Variants in SECISBP2 observed in about 807,000 individuals in gnomAD.
SECISBP2 encodes selenocysteine insertion sequence-binding protein 2.
In SECISBP2, 96 loss-of-function variants were observed where a neutral mutation model predicts 98.2. The ratio of observed to expected loss-of-function variants is 0.98; its 90% CI spans 0.83 to 1.16. The LOEUF (loss-of-function observed/expected upper bound fraction) is 1.16, where lower values mean the gene tolerates loss of function less well. Ranked by LOEUF, SECISBP2 falls within the 50% of genes most tolerant of loss-of-function variation. The pLI is 0.00. For synonymous variants in SECISBP2, 407 were observed against 370.2 expected (o/e 1.10, Z -1.14); for missense variants, 1,046 against 1,022.9 (o/e 1.02, Z -0.31).
intron 5 of SECISBP2, among the ~76,000 whole-genome samples, chr9:89,332,362 T>G (rs573958576): frequency 3.3e-5 from 5 of 152,312 alleles, no homozygotes; most frequent in African/African-American, 9.6e-5. Flanking sequence ...GGTTCACTGT[T>G]GGTGTTGTGT....
chr9:89,353,437 A>G (rs1831590282), intron 14 of SECISBP2, among the ~76,000 whole-genome samples: 1 of 152,106 alleles, frequency 6.6e-6, no homozygotes, highest in Admixed American at 6.5e-5. Context: ...GTGGTGCGTC[A>G]TGTCCTGCAA....
intron 15 of SECISBP2, 96 bp downstream of exon 15, chr9:89,357,661 A>G (rs1421557276): frequency 6.8e-7 from 1 of 1,467,574 alleles, no homozygotes; most frequent in East Asian, 2.3e-5. Context: ...CAGCCCCAGA[A>G]CCTCCAGTAG....
At chr9:89,344,326 T>C (rs1830124916) in intron 10 of SECISBP2, among the ~76,000 whole-genome samples, 1 of 152,264 alleles carries the variant, frequency 6.6e-6, no homozygotes, top group Admixed American at 6.5e-5. Flanking sequence ...TTAGATCCCA[T>C]TTGTCAATTT....
intron 8 of SECISBP2, 68 bp from the exon 9 acceptor site, chr9:89,339,796 C>T (rs1304586196): frequency 3.2e-5 from 35 of 1,089,502 alleles, no homozygotes; most frequent in Non-Finnish European, 4.5e-5. Flanking sequence ...AAAATATAAG[C>T]AAGGAAAAGG....
At chr9:89,333,414 T>C (rs574471093) in intron 6 of SECISBP2, among the ~76,000 whole-genome samples, 22 of 152,376 alleles carry the variant, frequency 1.4e-4, no homozygotes, top group African/African-American at 5.3e-4. Flanking sequence ...TATTGCATTT[T>C]AAGATAGCAT....
intron 12 of SECISBP2, among the ~76,000 whole-genome samples, chr9:89,348,594 C>T (rs1417030582): frequency 6.6e-6 from 1 of 152,222 alleles, no homozygotes; most frequent in Non-Finnish European, 1.5e-5. Flanking sequence ...TTTAAGGAAA[C>T]TTCATATTCA....
downstream of SECISBP2, chr9:89,363,834 C>A: frequency 6.2e-7 from 1 of 1,614,182 alleles, no homozygotes; most frequent in Non-Finnish European, 8.5e-7. Context: ...CTGATGGCGT[C>A]CTGCAGCCAG....
At chr9:89,360,295 C>G (rs1832665260), downstream of SECISBP2, among the ~76,000 whole-genome samples, 1 of 152,146 alleles carries the variant, frequency 6.6e-6, no homozygotes, top group South Asian at 2.1e-4. Flanking sequence ...GCTTCCTCCT[C>G]CCCTCATCAG....
intron 6 of SECISBP2, chr9:89,334,269 C>T (rs1828255147): frequency 2.7e-6 from 3 of 1,094,390 alleles, no homozygotes; most frequent in Non-Finnish European, 3.7e-6. Context: ...TACCCACCTC[C>T]AACCCCCAGG....
At chr9:89,340,026 C>A in intron 9 of SECISBP2, 73 bp downstream of exon 9, 3 of 1,108,176 alleles carry the variant, frequency 2.7e-6, no homozygotes, top group Non-Finnish European at 2.7e-6. Context: ...TTGAGAAAAA[C>A]TGCTTTCCAG....
intron 14 of SECISBP2, 61 bp from the exon 15 acceptor site, chr9:89,357,350 G>T (rs1243860955): frequency 6.3e-7 from 1 of 1,595,774 alleles, no homozygotes; most frequent in African/African-American, 1.3e-5. Context: ...TTTGCAACCA[G>T]TATTAACACC....
At chr9:89,348,300 A>T in intron 12 of SECISBP2, 86 bp downstream of exon 12, 1 of 1,462,468 alleles carries the variant, frequency 6.8e-7, no homozygotes, top group Non-Finnish European at 9.6e-7. Context: ...ACTCTCCAGG[A>T]CTTGGCTGAC....
chr9:89,334,621 C>A lies in SECISBP2; in HGVS notation c.980C>A (p.Thr327Asn), dbSNP rs3087798. 6.2e-7 allele frequency: 1 copy of A among 1,613,932 alleles called. No homozygotes were observed. The highest frequency in any genetic ancestry group is 1.1e-5 in the South Asian group (1 of 91,078). ...GTTACTTCTATGATAAACTTAAAGA[C>A]CATTGCTTCATCAGCAGATCCTAAA... ...KNVTSMINLK[T>N]IASSADPKNV... Residue 327 changes from threonine to asparagine, a missense_variant, in exon 7 of 17, where the codon ACC (threonine) becomes AAC (asparagine). Thr to Asn is a moderately conservative substitution (Grantham distance 65). Coordinates refer to ENST00000375807, the MANE Select transcript of SECISBP2 (RefSeq NM_024077.5).
At chr9:89,318,747 C>A (rs552933572) in intron 1 of SECISBP2, 135 bp downstream of exon 1, 3 of 1,223,898 alleles carry the variant, frequency 2.5e-6, no homozygotes, top group Non-Finnish European at 2.1e-6. Context: ...AGCGCCCTAC[C>A]GGGTGGCCGC....
chr9:89,349,305 C>CT (rs1830908767), intron 12 of SECISBP2, among the ~76,000 whole-genome samples: 1 of 152,134 alleles, frequency 6.6e-6, no homozygotes, highest in Non-Finnish European at 1.5e-5. Flanking sequence ...AAACACACCT[C>CT]TTGAGTTTCT....
intron 1 of SECISBP2, chr9:89,318,855 A>G: frequency 7.9e-7 from 1 of 1,265,934 alleles, no homozygotes; most frequent in Non-Finnish European, 9.9e-7. Flanking sequence ...GATGTCACCC[A>G]GCGCAGTGAC....
In SECISBP2 at chr9:89,325,969, T is replaced by A. The variant is rs781359247; in HGVS notation, c.505T>A (p.Ser169Thr). Reference sequence around the variant, plus strand: ...CAGTGAAAGGGCTGATGGAACTATATCATCTGAGATAAAATCAGCTAGAGG... The same window carrying A: ...CAGTGAAAGGGCTGATGGAACTATAACATCTGAGATAAAATCAGCTAGAGG... Reference protein sequence around the residue: ...FDSERADGTISSEIKSARGSH... With the variant: ...FDSERADGTITSEIKSARGSH... The change falls in exon 4 of 17, where the codon TCA becomes ACA. Residue 169 changes from serine (S) to threonine (T), a missense_variant. By Grantham distance (58) the Ser-to-Thr change is moderately conservative (BLOSUM62 1). Transcript: ENST00000375807. The A allele has an allele frequency of 6.2e-7, 1 of 1,614,032 alleles. No individual in the cohort carries two copies. Among genetic ancestry groups the A allele is most frequent in the Non-Finnish European group, 8.5e-7 (1 of 1,179,954 alleles).
intron 8 of SECISBP2, 45 bp downstream of exon 8, chr9:89,338,625 GTCTT>G: frequency 1.9e-6 from 3 of 1,583,956 alleles, no homozygotes; most frequent in Non-Finnish European, 2.6e-6. Flanking sequence ...TAATAAGTGG[GTCTT>G]TCTTAAAAGA....
chr9:89,334,683 G>T lies in SECISBP2; in HGVS notation c.1042G>T (p.Asp348Tyr). 1.9e-6 allele frequency: 3 copies of T among 1,614,042 alleles called. No individual in the cohort carries two copies. The highest frequency in any genetic ancestry group is 2.5e-6 in the Non-Finnish European group (3 of 1,179,990). ...ACCATCTTCTGAAGCTTTATCTTCG[G>T]ATCCTTCCTACAACAAAGAAAAACA... ...SIPSSEALSS[D>Y]PSYNKEKHII... Residue 348 changes from aspartate to tyrosine, a missense_variant, in exon 7 of 17, where the codon GAT (aspartate) becomes TAT (tyrosine). Coordinates refer to ENST00000375807, the MANE Select transcript of SECISBP2 (RefSeq NM_024077.5).
Sources: allele counts gnomAD v4.1 joint callset (sites outside exome capture counted in the v4.1 genomes callset), GRCh38; gene constraint gnomAD v4.1.1; transcripts MANE v1.5; gene names NCBI Gene and HGNC (gene_info 2026-07-23, HGNC 2026-07-21).